DLG2: variants seen among roughly 807,000 people sequenced by gnomAD.
The protein encoded by DLG2 is discs large MAGUK scaffold protein 2.
DLG2 carries 45 observed loss-of-function variants against 132.5 expected under a neutral mutation model. That is an observed-to-expected ratio of 0.34 (90% confidence interval 0.27 to 0.44). The LOEUF is 0.44. DLG2 is among the 20% of genes least tolerant of loss of function. The probability of loss-of-function intolerance (pLI) is 1.00; values close to 1 mark genes in which losing one functional copy is unlikely to be tolerated. For missense variants in DLG2, 1,045 were observed against 1,196.9 expected, an observed-to-expected ratio of 0.87 and a Z score of 1.87; for synonymous variants, 424 against 419.6, an observed-to-expected ratio of 1.01 and a Z score of -0.13.
At chr11:85,391,607 T>C (rs1419160260) in intron 3 of DLG2, among the ~76,000 whole-genome samples, 2 of 152,098 alleles carry the variant, frequency 1.3e-5, no homozygotes, top group South Asian at 2.1e-4. Context: ...GTGGATTTCA[T>C]ACCAGAGATG....
intron 11 of DLG2, among the ~76,000 whole-genome samples, chr11:84,034,828 G>A (rs746859591): frequency 1.3e-5 from 2 of 152,200 alleles, no homozygotes; most frequent in Non-Finnish European, 2.9e-5. Flanking sequence ...GAGTGTGGAT[G>A]AAGTGAGAAG....
intron 3 of DLG2, among the ~76,000 whole-genome samples, chr11:85,444,657 C>T (rs1023495599): frequency 3.3e-5 from 5 of 152,190 alleles, no homozygotes; most frequent in African/African-American, 9.7e-5. Flanking sequence ...TTCTGGCTGC[C>T]AGGCCAGTAA....
At chr11:85,099,944 C>T (rs1342179219) in intron 6 of DLG2, among the ~76,000 whole-genome samples, 1 of 152,134 alleles carries the variant, frequency 6.6e-6, no homozygotes, top group Non-Finnish European at 1.5e-5. Context: ...TCCTTCATCA[C>T]CAAAGGCTAG....
At chr11:84,672,413 A>T (rs1422156224) in intron 6 of DLG2, among the ~76,000 whole-genome samples, 1 of 152,176 alleles carries the variant, frequency 6.6e-6, no homozygotes, top group Admixed American at 6.5e-5. Context: ...GATCTGGTAG[A>T]TAAATTTAAA....
At chr11:84,854,671 T>C (rs2082551517) in intron 6 of DLG2, among the ~76,000 whole-genome samples, 3 of 152,048 alleles carry the variant, frequency 2.0e-5, no homozygotes, top group African/African-American at 4.8e-5. Context: ...GGCATCTGCA[T>C]GATTTATACA....
intron 21 of DLG2, among the ~76,000 whole-genome samples, chr11:83,499,852 G>GATATAGATAT (rs2094359502): frequency 1.6e-5 from 1 of 61,624 alleles, no homozygotes; most frequent in Admixed American, 2.6e-4. Context: ...ACTAATAGGA[G>GATATAGATAT]ATATATATAT....
chr11:84,782,203 C>A (rs373943928), intron 6 of DLG2, among the ~76,000 whole-genome samples: 1 of 151,982 alleles, frequency 6.6e-6, no homozygotes, highest in East Asian at 1.9e-4. Flanking sequence ...AGATACTATC[C>A]GGGGTGGATT....
At chr11:85,257,593 G>C (rs1158115701) in intron 4 of DLG2, among the ~76,000 whole-genome samples, 1 of 152,162 alleles carries the variant, frequency 6.6e-6, no homozygotes, top group Non-Finnish European at 1.5e-5. Flanking sequence ...TAAAGGTAAA[G>C]ATGAGGTGGA....
intron 18 of DLG2, among the ~76,000 whole-genome samples, chr11:83,649,058 A>C (rs1293811611): frequency 1.3e-5 from 2 of 152,140 alleles, no homozygotes; most frequent in Non-Finnish European, 2.9e-5. Flanking sequence ...GTCTGGTAAA[A>C]GCTTGGATTA....
chr11:84,525,110 T>G (rs1261493629), intron 7 of DLG2, among the ~76,000 whole-genome samples: 1 of 152,150 alleles, frequency 6.6e-6, no homozygotes, highest in Non-Finnish European at 1.5e-5. Flanking sequence ...ATGGTGGTGG[T>G]GGACCTGTGT....
intron 18 of DLG2, among the ~76,000 whole-genome samples, chr11:83,784,442 C>A (rs1206120546): frequency 6.6e-6 from 1 of 152,194 alleles, no homozygotes; most frequent in Non-Finnish European, 1.5e-5. Flanking sequence ...TAATTTAAAG[C>A]TGCAACAGAT....
intron 3 of DLG2, among the ~76,000 whole-genome samples, chr11:85,395,522 C>A (rs1000044470): frequency 1.3e-5 from 2 of 152,118 alleles, no homozygotes; most frequent in African/African-American, 4.8e-5. Context: ...CGTGACAGGC[C>A]ATACCTAGAG....
At chr11:84,934,268 G>T (rs1449743399) in intron 6 of DLG2, among the ~76,000 whole-genome samples, 1 of 151,888 alleles carries the variant, frequency 6.6e-6, no homozygotes, top group Non-Finnish European at 1.5e-5. Flanking sequence ...ACTGGATTCA[G>T]TTTGCTAGTA....
intron 6 of DLG2, among the ~76,000 whole-genome samples, chr11:84,707,153 TA>T (rs1315888049): frequency 1.3e-5 from 2 of 151,698 alleles, no homozygotes; most frequent in Non-Finnish European, 2.9e-5. Context: ...ACCTAGCAAA[TA>T]TAGCTCCCCA....
At chr11:84,548,045 G>T (rs1348446454) in intron 6 of DLG2, among the ~76,000 whole-genome samples, 1 of 152,196 alleles carries the variant, frequency 6.6e-6, no homozygotes, top group African/African-American at 2.4e-5. Context: ...AATAAAGTGA[G>T]TTCCTTTGAA....
chr11:84,046,484 T>C (rs2096245851), intron 11 of DLG2, among the ~76,000 whole-genome samples: 1 of 151,608 alleles, frequency 6.6e-6, no homozygotes, highest in South Asian at 2.1e-4. Flanking sequence ...TTTAGGTCCC[T>C]GGGAAGTAAC....
At chr11:83,679,229 C>G (rs2078306287) in intron 18 of DLG2, among the ~76,000 whole-genome samples, 1 of 152,030 alleles carries the variant, frequency 6.6e-6, no homozygotes, top group Admixed American at 6.6e-5. Context: ...TAGGATCTAC[C>G]TGGTAGGGTA....
At chr11:84,664,933 T>C (rs1279859764) in intron 6 of DLG2, among the ~76,000 whole-genome samples, 2 of 152,140 alleles carry the variant, frequency 1.3e-5, no homozygotes, top group African/African-American at 4.8e-5. Flanking sequence ...GTATATGCTT[T>C]GGTCAGTGGA....
Position 84,793,350 on chromosome 11 carries a change from C to T in DLG2, c.358-258619G>A, listed in dbSNP as rs371444418. Among the ~76,000 whole-genome samples the T allele has an allele frequency of 2.7e-4, 41 of 152,114 alleles. 1 individual carries two copies. Among genetic ancestry groups the T allele is most frequent in the Middle Eastern group, 6.8e-3 (2 of 294 alleles). On this transcript the variant is annotated intron_variant, in intron 6 of 27. Transcript: ENST00000376104. ...ATATGGTCTTTGAGAATTATCTGTG[C>T]GCTGAGGAAAATAATGTGTATTTTT...
Sources: allele counts gnomAD v4.1 joint callset (sites outside exome capture counted in the v4.1 genomes callset), GRCh38; gene constraint gnomAD v4.1.1; transcripts MANE v1.5; gene names NCBI Gene and HGNC (gene_info 2026-07-23, HGNC 2026-07-21).